Variants in PGAP3 observed in about 807,000 individuals in gnomAD.
The protein encoded by PGAP3 is post-GPI attachment to proteins phospholipase 3.
In PGAP3, 31 loss-of-function variants were observed where a neutral mutation model predicts 40.3. The observed-to-expected ratio is 0.77, with a 90% CI of 0.58 to 1.04. The LOEUF is 1.04. Ranked by LOEUF, PGAP3 falls within the 50% of genes least tolerant of loss-of-function variation. The pLI, the probability that PGAP3 is intolerant of heterozygous loss-of-function variation, is 0.00. For synonymous variants in PGAP3, 191 were observed against 184.5 expected, an observed-to-expected ratio of 1.04 and a Z score of -0.29; for missense variants, 413 against 423.0, an observed-to-expected ratio of 0.98 and a Z score of 0.21.
rs1039787645 is a variant in PGAP3, at chr17:39,686,558, T to TC, written c.182-540_182-539insG. ...GGCACGAGCCACCGCACCCGGCATT[T>TC]TTTTTTTTTTTTTTTTTTTGAGACA... is the stretch of plus-strand genomic sequence containing the variant. On this transcript the variant is annotated intron_variant, in intron 1 of 7. Transcript: ENST00000300658. Among the ~76,000 whole-genome samples, 5 of 146,512 alleles carry TC rather than the reference T, an allele frequency of 3.4e-5. No homozygotes were observed. In the East Asian group the frequency reaches 1.0e-3, roughly 29 times the overall value.
intron 3 of PGAP3, among the ~76,000 whole-genome samples, chr17:39,683,441 G>A (rs1026638466): frequency 3.3e-5 from 5 of 152,046 alleles, no homozygotes; most frequent in African/African-American, 9.7e-5. Flanking sequence ...ACCTCTCCCC[G>A]ACTGCACTTT....
intron 2 of PGAP3, 53 bp from the exon 3 acceptor site, chr17:39,684,802 C>T (rs998091773): frequency 4.7e-6 from 7 of 1,498,872 alleles, no homozygotes; most frequent in South Asian, 1.3e-5. Flanking sequence ...CCTCAACTGG[C>T]CCAGTCCACC....
intron 4 of PGAP3, 21 bp from the exon 5 acceptor site, chr17:39,674,075 T>C (rs2057345461): frequency 1.2e-6 from 2 of 1,610,738 alleles, no homozygotes; most frequent in Non-Finnish European, 1.7e-6. Flanking sequence ...GGAAGGGTGG[T>C]GAGGGACCAG....
Position 39,673,600 on chromosome 17 carries a change from A to C in PGAP3, c.608T>G (p.Leu203Arg), listed in dbSNP as rs763478704. ...PAVVSAFRAL[L>R]LLMLTVHVSY... ...GACGTGCACGGTCAGCATGAGCAGC[A>C]GGAGAGCCCGGAAGGCACTGACCAC... The change falls in exon 6 of 8, where the codon CTG becomes CGG. Residue 203 changes from leucine (L) to arginine (R), a missense_variant. Coordinates refer to ENST00000300658, the MANE Select transcript of PGAP3 (RefSeq NM_033419.5). 1 of 1,614,148 alleles carries C rather than the reference A, an allele frequency of 6.2e-7. No homozygotes were observed. The highest frequency in any genetic ancestry group is 2.2e-5 in the East Asian group (1 of 44,874).
Position 39,687,985 on chromosome 17 carries a change from C to G in PGAP3, c.30G>C (p.Leu10=), listed in dbSNP as rs1030058305. The G allele has an allele frequency of 1.1e-4, 164 of 1,439,762 alleles. No homozygotes were observed. Among genetic ancestry groups the G allele is most frequent in the Non-Finnish European group, 1.5e-4 (160 of 1,079,902 alleles). 89.2% of individuals were successfully genotyped at this position (1,439,762 alleles called of 1,614,324 possible). MAGLAARLV[L]LAGAAALASG... ...TCGCCAGCGCCGCTGCCCCAGCTAG[C>G]AGGACCAACCGCGCCGCCAGGCCGG... Residue 10 remains leucine (L), a synonymous_variant, in exon 1 of 8, where the codon CTG becomes CTC. Coordinates refer to ENST00000300658, the MANE Select transcript of PGAP3 (RefSeq NM_033419.5).
rs990243031 is a variant in PGAP3 at position 39,672,590 on chromosome 17, G to A, written c.*213C>T. 2.3e-4 allele frequency: 136 copies of A among 603,442 alleles called. 1 individual carries two copies. Among genetic ancestry groups the A allele is most frequent in the African/African-American group, 2.0e-3 (108 of 54,062 alleles). 37.4% of individuals were successfully genotyped at this position (603,442 alleles called of 1,614,324 possible). On this transcript the variant is annotated 3_prime_UTR_variant, in exon 8 of 8. Coordinates refer to ENST00000300658, the MANE Select transcript of PGAP3 (RefSeq NM_033419.5). Reference sequence around the variant, plus strand: ...GGAGGTAGAGGGGCTGCCCACTCTCGAGTCCCAGATGCTGGGAGGCCTTCC... The same window carrying A: ...GGAGGTAGAGGGGCTGCCCACTCTCAAGTCCCAGATGCTGGGAGGCCTTCC...
intron 1 of PGAP3, among the ~76,000 whole-genome samples, chr17:39,687,355 C>T (rs1019729200): frequency 6.6e-6 from 1 of 152,240 alleles, no homozygotes; most frequent in African/African-American, 2.4e-5. Context: ...TCTTTGCCCA[C>T]TATGGTCCAA....
At position 39,673,239 on chromosome 17, in the gene PGAP3, C is replaced by A. The variant is rs1265526071; in HGVS notation, c.711G>T (p.Val237=). 1.9e-6 allele frequency: 3 copies of A among 1,560,864 alleles called. No individual in the cohort carries two copies. In the African/African-American group the frequency reaches 4.1e-5, roughly 21 times the overall value. ...ANVAIGLVNV[V]WWLAWCLWNQ... ...TCCACAGGCACCAGGCCAGCCACCA[C>A]ACCACGTTGACCAGGCCTGGGTGCC... The change falls in exon 7 of 8, where the codon GTG becomes GTT. Residue 237 remains valine, a synonymous_variant. Transcript: ENST00000300658.
rs183594687 is a variant in PGAP3, at chr17:39,674,669, T to G, written c.443A>C (p.Asn148Thr). ...GAAAACTGTGGACCAGAACCATGCA[T>G]TGAGGGACACCTAAGGAGGGAGGGG... ...TCVAFAWVSL[N>T]AWFWSTVFHT... The change falls in exon 4 of 8, where the codon AAT (asparagine) becomes ACT (threonine). Residue 148 changes from asparagine (N) to threonine (T), a missense_variant. By Grantham distance (65) the Asn-to-Thr change is moderately conservative (BLOSUM62 0). Coordinates refer to ENST00000300658, the MANE Select transcript of PGAP3 (RefSeq NM_033419.5). The G allele has an allele frequency of 8.4e-6, 13 of 1,551,006 alleles. No homozygotes were observed. Among genetic ancestry groups the G allele is most frequent in the African/African-American group, 2.7e-5 (2 of 73,010 alleles).
intron 3 of PGAP3, chr17:39,676,707 T>G (rs1237498977): frequency 1.3e-5 from 2 of 152,292 alleles, no homozygotes; most frequent in African/African-American, 4.8e-5. Context: ...GCATTTCCTG[T>G]GTGTCCTTGG....
Position 39,672,715 on chromosome 17 carries a change from G to C in PGAP3, c.*88C>G. The C allele has an allele frequency of 1.5e-6, 2 of 1,343,874 alleles. No individual in the cohort carries two copies. Among genetic ancestry groups the C allele is most frequent in the Admixed American group, 3.5e-5 (2 of 56,700 alleles). The allele number at this position is 1,343,874 out of a possible 1,614,324, so 83.2% of individuals were successfully genotyped here. On this transcript the variant is annotated 3_prime_UTR_variant, in exon 8 of 8. Transcript: ENST00000300658. ...ATGTCCAAGTTCAAGAAGTTGAAAA[G>C]AGAAAATCATCTCAAGGGTTGAGGG...
At chr17:39,674,257 G>A (rs766693879) in intron 4 of PGAP3, among the ~76,000 whole-genome samples, 2 of 152,188 alleles carry the variant, frequency 1.3e-5, no homozygotes, top group Non-Finnish European at 2.9e-5. Flanking sequence ...GGACGCTGGT[G>A]GAGGGTTCCT....
At position 39,672,587 on chromosome 17, in the gene PGAP3, C is replaced by T; in HGVS notation, c.*216G>A. ...CCAGGAGGTAGAGGGGCTGCCCACT[C>T]TCGAGTCCCAGATGCTGGGAGGCCT... On this transcript the variant is annotated 3_prime_UTR_variant, in exon 8 of 8. Coordinates refer to ENST00000300658, the MANE Select transcript of PGAP3 (RefSeq NM_033419.5). 1 of 603,262 alleles carries T rather than the reference C, an allele frequency of 1.7e-6. No individual in the cohort carries two copies. The highest frequency in any genetic ancestry group is 3.0e-6 in the Non-Finnish European group (1 of 338,738). 37.4% of individuals were successfully genotyped at this position (603,262 alleles called of 1,614,324 possible).
chr17:39,671,404 C>T lies in PGAP3; in HGVS notation c.*1399G>A, dbSNP rs2057304130. ...GGCTGCTGGTAAATGGCAGGGGTCA[C>T]CTTTACCAGGGCGCAGGCATAGTGT... On this transcript the variant is annotated 3_prime_UTR_variant, in exon 8 of 8. Coordinates refer to ENST00000300658, the MANE Select transcript of PGAP3 (RefSeq NM_033419.5). 1 of 152,290 alleles carries T rather than the reference C, an allele frequency of 6.6e-6. No homozygotes were observed. Among genetic ancestry groups the T allele is most frequent in the African/African-American group, 2.4e-5 (1 of 41,424 alleles). The allele number at this position is 152,290 out of a possible 1,614,324, so 9.4% of individuals were successfully genotyped here.
At chr17:39,686,590 C>A (rs1327748617) in intron 1 of PGAP3, among the ~76,000 whole-genome samples, 1 of 133,174 alleles carries the variant, frequency 7.5e-6, no homozygotes, top group Non-Finnish European at 1.6e-5. Flanking sequence ...GACAGGGTCT[C>A]GCTCTTTCAT....
chr17:39,673,328 C>G lies in PGAP3; in HGVS notation c.695-73G>C, dbSNP rs575241753. On this transcript the variant is annotated intron_variant, in intron 6 of 7. Transcript: ENST00000300658. ...CCCCAAGGCCACCCCCAACTCCATG[C>G]TCTCTGACCCCAGGATCATCCTCGG... is the stretch of plus-strand genomic sequence containing the variant. 7 of 1,559,786 alleles carry G rather than the reference C, an allele frequency of 4.5e-6. No individual in the cohort carries two copies. In the East Asian group the frequency reaches 1.6e-4, roughly 36 times the overall value.
intron 3 of PGAP3, among the ~76,000 whole-genome samples, chr17:39,682,354 T>C (rs2057452978): frequency 6.6e-6 from 1 of 151,188 alleles, no homozygotes; most frequent in South Asian, 2.1e-4. Context: ...CAATGGAAAC[T>C]TGCATTCTAT....
rs749069495 is a variant in PGAP3, at chr17:39,673,980, C to T, written c.557+13G>A. 1 of 1,613,844 alleles carries T rather than the reference C, an allele frequency of 6.2e-7. No individual in the cohort carries two copies. Among genetic ancestry groups the T allele is most frequent in the Non-Finnish European group, 8.5e-7 (1 of 1,179,772 alleles). ...GTTCGATTTTGCCCCTGCAGCCACC[C>T]AGGCAGGCTCACCTGACGCAGCACA... On this transcript the variant is annotated intron_variant, in intron 5 of 7. Transcript: ENST00000300658.
intron 3 of PGAP3, among the ~76,000 whole-genome samples, chr17:39,680,843 A>G (rs1449263910): frequency 6.7e-6 from 1 of 149,834 alleles, no homozygotes; most frequent in Non-Finnish European, 1.5e-5. Flanking sequence ...ATCCACACCC[A>G]CAGCTTCTAT....
Sources: gnomAD v4.1 joint callset for allele counts (sites outside exome capture counted in the v4.1 genomes callset) on GRCh38, gnomAD v4.1.1 for gene constraint, MANE v1.5 for transcripts, NCBI Gene and HGNC (gene_info 2026-07-23, HGNC 2026-07-21) for gene names.